The following CAMTA1 variants were observed in gnomAD, a reference collection of about 807,000 sequenced individuals.
The protein encoded by CAMTA1 is calmodulin-binding transcription activator 1.
In CAMTA1, 27 loss-of-function variants were observed where a neutral mutation model predicts 170.9. The observed-to-expected ratio is 0.16, with a 90% CI of 0.12 to 0.22. CAMTA1 has a LOEUF of 0.22. CAMTA1 is among the 10% of genes least tolerant of loss of function. The probability of loss-of-function intolerance (pLI) is 1.00; values close to 1 mark genes in which losing one functional copy is unlikely to be tolerated. For synonymous variants in CAMTA1, 833 were observed against 891.5 expected (o/e 0.93, Z 1.17); for missense variants, 1,619 against 2,217.2 (o/e 0.73, Z 5.42).
chr1:7,031,723 A>G (rs1389347182), intron 3 of CAMTA1, among the ~76,000 whole-genome samples: 1 of 151,914 alleles, frequency 6.6e-6, no homozygotes. Context: ...TGTATTTTTT[A>G]GTAGAGACGG....
rs114884648 is a variant in CAMTA1, at chr1:7,459,647, G to A, written c.439-8183G>A. 1.0e-2 allele frequency among the ~76,000 whole-genome samples: 1,521 copies of A among 152,290 alleles called. 11 individuals are homozygous for A. Among genetic ancestry groups the A allele is most frequent in the Middle Eastern group, 0.031 (9 of 294 alleles). On this transcript the variant is annotated intron_variant, in intron 5 of 22. Transcript: ENST00000303635. ...TTCTGCTGACAGATCTGCCCTCCAG[G>A]CTGCAGGCCCCTGCTCAGGTGCTGC...
chr1:7,637,952 G>A (rs2095727423), intron 6 of CAMTA1, among the ~76,000 whole-genome samples: 1 of 152,264 alleles, frequency 6.6e-6, no homozygotes, highest in Admixed American at 6.5e-5. Flanking sequence ...CCATTAAGGA[G>A]AAGGCTCCTG....
chr1:7,278,586 C>A (rs747899049), intron 5 of CAMTA1, among the ~76,000 whole-genome samples: 30 of 152,202 alleles, frequency 2.0e-4, no homozygotes, highest in Non-Finnish European at 4.0e-4. Context: ...GGTCACTTAG[C>A]TCGTCACAGA....
chr1:6,980,952 C>T (rs972762473), intron 3 of CAMTA1, among the ~76,000 whole-genome samples: 1 of 152,076 alleles, frequency 6.6e-6, no homozygotes, highest in African/African-American at 2.4e-5. Flanking sequence ...CCTTTGCTGT[C>T]ACTGGGTGTG....
chr1:7,664,588 T>A lies in CAMTA1; in HGVS notation c.2041T>A (p.Phe681Ile). ...CCACCTCATGCAGTTCCAGGCCAAC[T>A]TCCAGGCCATGACGGCAGAAGGGGA... ...SLHLMQFQAN[F>I]QAMTAEGEVT... Residue 681 changes from phenylalanine to isoleucine, a missense_variant, in exon 9 of 23, where the codon TTC (phenylalanine) becomes ATC (isoleucine). Transcript: ENST00000303635. The A allele has an allele frequency of 6.2e-7, 1 of 1,612,714 alleles. No individual in the cohort carries two copies. Among genetic ancestry groups the A allele is most frequent in the Non-Finnish European group, 8.5e-7 (1 of 1,179,726 alleles).
intron 5 of CAMTA1, among the ~76,000 whole-genome samples, chr1:7,454,308 T>A (rs1025747021): frequency 6.6e-6 from 1 of 152,076 alleles, no homozygotes; most frequent in Non-Finnish European, 1.5e-5. Context: ...AATCAAGAGA[T>A]GGGCAGGCAG....
At chr1:7,277,876 T>C (rs372775496) in intron 5 of CAMTA1, among the ~76,000 whole-genome samples, 61 of 152,310 alleles carry the variant, frequency 4.0e-4, no homozygotes, top group African/African-American at 1.4e-3. Flanking sequence ...AATGACTCTG[T>C]GTGATATCAT....
At chr1:7,704,876 C>G (rs1375583270) in intron 11 of CAMTA1, among the ~76,000 whole-genome samples, 1 of 146,346 alleles carries the variant, frequency 6.8e-6, no homozygotes, top group Admixed American at 6.7e-5. Flanking sequence ...CGAGCAGGAG[C>G]CGAGCTCAGC....
chr1:6,871,852 AT>A, intron 3 of CAMTA1: 1 of 1,463,352 alleles, frequency 6.8e-7, no homozygotes, highest in Non-Finnish European at 8.9e-7. Context: ...TAACCATTTC[AT>A]TTTTTAATTT....
intron 5 of CAMTA1, among the ~76,000 whole-genome samples, chr1:7,328,222 G>T (rs1305440862): frequency 6.6e-6 from 1 of 152,184 alleles, no homozygotes; most frequent in Non-Finnish European, 1.5e-5. Context: ...GACAGGTCGG[G>T]ATGATGGCTC....
intron 3 of CAMTA1, among the ~76,000 whole-genome samples, chr1:7,084,267 GC>G (rs1640426694): frequency 6.6e-6 from 1 of 152,116 alleles, no homozygotes; most frequent in Admixed American, 6.6e-5. Flanking sequence ...CTGACATTGA[GC>G]CTGTATCTTG....
intron 6 of CAMTA1, among the ~76,000 whole-genome samples, chr1:7,497,036 T>A (rs2093839906): frequency 6.6e-6 from 1 of 151,358 alleles, no homozygotes; most frequent in Non-Finnish European, 1.5e-5. Context: ...TCGAGAAAAA[T>A]AGCTGAGGCC....
intron 4 of CAMTA1, among the ~76,000 whole-genome samples, chr1:7,110,601 C>T (rs756698286): frequency 2.6e-5 from 4 of 152,176 alleles, no homozygotes; most frequent in Non-Finnish European, 4.4e-5. Context: ...GGGAGGACAG[C>T]GTCATCTTTA....
At chr1:7,049,051 G>A (rs1439914862) in intron 3 of CAMTA1, among the ~76,000 whole-genome samples, 1 of 152,214 alleles carries the variant, frequency 6.6e-6, no homozygotes, top group Non-Finnish European at 1.5e-5. Flanking sequence ...CCCTGATACG[G>A]TACATGAGGA....
At chr1:7,605,703 T>C (rs1014357688) in intron 6 of CAMTA1, among the ~76,000 whole-genome samples, 1 of 152,186 alleles carries the variant, frequency 6.6e-6, no homozygotes, top group Non-Finnish European at 1.5e-5. Flanking sequence ...GCACCCACTT[T>C]CCGACACTCC....
At chr1:7,647,028 G>A (rs1359536721) in intron 7 of CAMTA1, among the ~76,000 whole-genome samples, 1 of 152,170 alleles carries the variant, frequency 6.6e-6, no homozygotes, top group African/African-American at 2.4e-5. Context: ...GCTGCAAACG[G>A]GCCCCTCATT....
intron 11 of CAMTA1, among the ~76,000 whole-genome samples, chr1:7,712,682 G>C (rs2096579801): frequency 1.3e-5 from 2 of 152,174 alleles, no homozygotes; most frequent in African/African-American, 4.8e-5. Context: ...AGGTGGCTCA[G>C]ATAATTAAAA....
At chr1:7,753,085 A>G (rs974884035) in intron 21 of CAMTA1, among the ~76,000 whole-genome samples, 2 of 152,172 alleles carry the variant, frequency 1.3e-5, no homozygotes, top group African/African-American at 4.8e-5. Context: ...AGGAGAGATC[A>G]CTGGAATGCA....
intron 5 of CAMTA1, among the ~76,000 whole-genome samples, chr1:7,464,918 G>T (rs1227347198): frequency 6.6e-6 from 1 of 152,030 alleles, no homozygotes; most frequent in Non-Finnish European, 1.5e-5. Flanking sequence ...ACCTCTCGCC[G>T]AGGCCCTCAC....
Sources: allele counts gnomAD v4.1 joint callset (sites outside exome capture counted in the v4.1 genomes callset), GRCh38; gene constraint gnomAD v4.1.1; transcripts MANE v1.5; gene names NCBI Gene and HGNC (gene_info 2026-07-23, HGNC 2026-07-21).